PRR33: variants seen among roughly 807,000 people sequenced by gnomAD.
The protein encoded by PRR33 is proline-rich protein 33.
PRR33 carries 1 observed loss-of-function variant against 0.5 expected under a neutral mutation model. That is an observed-to-expected ratio of 2.18 (90% CI 0.77 to 10.34). The LOEUF is 10.34. Ranked by LOEUF, PRR33 falls within the 30% of genes most tolerant of loss-of-function variation. The pLI is 0.13. For synonymous variants in PRR33, 226 were observed against 110.0 expected, an observed-to-expected ratio of 2.06 and a Z score of -6.60; for missense variants, 552 against 251.8, an observed-to-expected ratio of 2.19 and a Z score of -8.07.
At chr11:1,889,706 G>T (rs773472585) in exon 1 of PRR33, 3 of 647,444 alleles carry the variant, frequency 4.6e-6, no homozygotes, top group Admixed American at 5.2e-5. Context: ...GCTCCTCCAG[G>T]TGCTCTCTGC....
chr11:1,895,079 C>T (rs1205538726), upstream of PRR33, among the ~76,000 whole-genome samples: 2 of 152,204 alleles, frequency 1.3e-5, no homozygotes, highest in Non-Finnish European at 1.5e-5. Context: ...ATCTTTTGCC[C>T]GTTGCTGTAA....
chr11:1,916,228 G>A, the PRR33 span, among the ~76,000 whole-genome samples: 45 of 152,188 alleles, frequency 3.0e-4, no homozygotes, highest in Non-Finnish European at 3.5e-4. Flanking sequence ...AGCCTTCAGC[G>A]TCTGGGAAGT....
At chr11:1,889,222 T>C (rs1183782221) in exon 1 of PRR33, 6 of 675,006 alleles carry the variant, frequency 8.9e-6, no homozygotes, top group African/African-American at 3.6e-5. Context: ...GAGCGGACTG[T>C]GGGAGGGGGC....
At chr11:1,911,970 G>A in the PRR33 span, among the ~76,000 whole-genome samples, 2 of 130,722 alleles carry the variant, frequency 1.5e-5, no homozygotes, top group Non-Finnish European at 3.1e-5. Context: ...AGACCAGCCT[G>A]AGCAAGATAG....
chr11:1,892,586 C>G (rs1024781721), upstream of PRR33, among the ~76,000 whole-genome samples: 4 of 149,102 alleles, frequency 2.7e-5, no homozygotes, highest in Admixed American at 1.3e-4. Context: ...CTCGGGGCCT[C>G]CCCCAACACC....
the PRR33 span, among the ~76,000 whole-genome samples, chr11:1,916,868 C>A: frequency 5.9e-5 from 9 of 152,206 alleles, no homozygotes; most frequent in African/African-American, 1.7e-4. Context: ...ATGCCCAATG[C>A]GGAGGTCAGG....
chr11:1,889,809 G>C (rs1181955236), exon 1 of PRR33: 1 of 638,846 alleles, frequency 1.6e-6, no homozygotes, highest in South Asian at 1.8e-5. Flanking sequence ...AGCCTCTCTG[G>C]GCACTGAGGC....
the PRR33 span, among the ~76,000 whole-genome samples, chr11:1,903,560 T>C: frequency 2.0e-5 from 3 of 152,196 alleles, no homozygotes; most frequent in South Asian, 6.2e-4. Context: ...GAGCCCTTGT[T>C]TTTAGGTGCA....
At chr11:1,916,570 G>T in the PRR33 span, among the ~76,000 whole-genome samples, 5 of 152,138 alleles carry the variant, frequency 3.3e-5, no homozygotes, top group Non-Finnish European at 5.9e-5. Context: ...AGGCCCAAAG[G>T]CCACAGTTGG....
At chr11:1,917,325 G>C in the PRR33 span, among the ~76,000 whole-genome samples, 1 of 152,178 alleles carries the variant, frequency 6.6e-6, no homozygotes, top group African/African-American at 2.4e-5. Context: ...CCATCTGGGG[G>C]CCACCCAGGC....
At chr11:1,905,112 CTTGAGAATTCTTTTTTTTT>C in the PRR33 span, among the ~76,000 whole-genome samples, 1 of 140,118 alleles carries the variant, frequency 7.1e-6, no homozygotes, top group Non-Finnish European at 1.5e-5. Context: ...AAGGTCATTG[CTTGAGAATTCTTTTTTTTT>C]TTTTTTTTTT....
At chr11:1,903,975 AT>A in the PRR33 span, among the ~76,000 whole-genome samples, 1 of 152,216 alleles carries the variant, frequency 6.6e-6, no homozygotes, top group African/African-American at 2.4e-5. Context: ...ATCAAATCAG[AT>A]TCCATCCTGG....
chr11:1,915,525 A>G, the PRR33 span, among the ~76,000 whole-genome samples: 2 of 66,896 alleles, frequency 3.0e-5, no homozygotes, highest in African/African-American at 1.3e-4. Context: ...CACACCTGGG[A>G]TGTTTCTGTG....
chr11:1,914,606 GTGTTC>G, the PRR33 span, among the ~76,000 whole-genome samples: 1 of 147,980 alleles, frequency 6.8e-6, no homozygotes, highest in African/African-American at 2.5e-5. Flanking sequence ...GTGTGTGTGT[GTGTTC>G]TGGGGTCACA....
At chr11:1,915,401 C>CTG in the PRR33 span, among the ~76,000 whole-genome samples, 4 of 124,208 alleles carry the variant, frequency 3.2e-5, no homozygotes, top group African/African-American at 1.3e-4. Flanking sequence ...GTGTGTGTGT[C>CTG]TGTGTGTGTA....
the PRR33 span, among the ~76,000 whole-genome samples, chr11:1,915,025 G>A: frequency 6.7e-6 from 1 of 149,826 alleles, no homozygotes; most frequent in Non-Finnish European, 1.5e-5. Flanking sequence ...TGTGTTGTGG[G>A]GACACACGGA....
At chr11:1,891,153 T>C (rs1323431391) in exon 1 of PRR33, 1 of 155,084 alleles carries the variant, frequency 6.4e-6, no homozygotes, top group East Asian at 1.9e-4. Context: ...CAGAGGTAGA[T>C]TGGCCGGAAG....
upstream of PRR33, among the ~76,000 whole-genome samples, chr11:1,894,915 G>A (rs921696306): frequency 8.5e-4 from 129 of 152,296 alleles, 1 homozygote; most frequent in Non-Finnish European, 5.1e-4. Flanking sequence ...GTTGCAGTTG[G>A]AATGGTTCAT....
the PRR33 span, among the ~76,000 whole-genome samples, chr11:1,901,121 C>T: frequency 3.3e-5 from 5 of 152,094 alleles, no homozygotes; most frequent in South Asian, 1.0e-3. Flanking sequence ...ACCAGCCTGG[C>T]CAATATGGTG....
Sources: gnomAD v4.1 joint callset for allele counts (sites outside exome capture counted in the v4.1 genomes callset) on GRCh38, gnomAD v4.1.1 for gene constraint, MANE v1.5 for transcripts, NCBI Gene and HGNC (gene_info 2026-07-23, HGNC 2026-07-21) for gene names.